The following PTPRO variants were observed in gnomAD, a reference collection of about 807,000 sequenced individuals.
PTPRO encodes protein tyrosine phosphatase receptor type O, also known as receptor-type tyrosine-protein phosphatase O.
Under a neutral mutation model 145.2 loss-of-function variants are expected in PTPRO, and 62 were observed. That is an observed-to-expected ratio of 0.43 (90% CI 0.35 to 0.53). The LOEUF (loss-of-function observed/expected upper bound fraction) is 0.53, where lower values mean the gene tolerates loss of function less well. PTPRO is among the 20% of genes least tolerant of loss of function. The pLI, the probability that PTPRO is intolerant of heterozygous loss-of-function variation, is 0.01. For missense variants in PTPRO, 1,345 were observed against 1,482.7 expected, an observed-to-expected ratio of 0.91 and a Z score of 1.53; for synonymous variants, 565 against 514.7, an observed-to-expected ratio of 1.10 and a Z score of -1.32.
At chr12:15,530,885 A>G (rs1452679454) in intron 12 of PTPRO, among the ~76,000 whole-genome samples, 1 of 152,162 alleles carries the variant, frequency 6.6e-6, no homozygotes, top group Non-Finnish European at 1.5e-5. Flanking sequence ...TCAGAGCAGA[A>G]ATAAATGAAA....
intron 2 of PTPRO, among the ~76,000 whole-genome samples, chr12:15,494,943 T>C (rs939403206): frequency 3.3e-5 from 5 of 152,202 alleles, no homozygotes; most frequent in African/African-American, 1.2e-4. Context: ...AGTCAATAGC[T>C]GGATCTGGTA....
intron 1 of PTPRO, among the ~76,000 whole-genome samples, chr12:15,419,744 T>C (rs548935791): frequency 5.7e-4 from 86 of 151,596 alleles, no homozygotes; most frequent in Non-Finnish European, 1.1e-3. Context: ...TGTTTTTTTT[T>C]TCCCAGAGAA....
intron 19 of PTPRO, among the ~76,000 whole-genome samples, chr12:15,570,818 T>C (rs1419043247): frequency 6.6e-6 from 1 of 152,232 alleles, no homozygotes; most frequent in Non-Finnish European, 1.5e-5. Context: ...AGCCACATTT[T>C]CTTAATTCCT....
intron 4 of PTPRO, among the ~76,000 whole-genome samples, chr12:15,500,691 G>T (rs1380051988): frequency 6.6e-6 from 1 of 152,186 alleles, no homozygotes; most frequent in Non-Finnish European, 1.5e-5. Context: ...GGAGGCCGAG[G>T]CAGGTGGATC....
chr12:15,532,820 G>A (rs1010409869), intron 12 of PTPRO, among the ~76,000 whole-genome samples: 3 of 152,138 alleles, frequency 2.0e-5, no homozygotes, highest in Non-Finnish European at 4.4e-5. Flanking sequence ...CCAGGTAACT[G>A]TAATTACTTG....
At chr12:15,523,385 A>G (rs1942768391) in intron 10 of PTPRO, among the ~76,000 whole-genome samples, 2 of 152,252 alleles carry the variant, frequency 1.3e-5, no homozygotes, top group African/African-American at 4.8e-5. Flanking sequence ...GTTAGCAGTT[A>G]CTTTAAAAAG....
intron 25 of PTPRO, among the ~76,000 whole-genome samples, chr12:15,593,627 G>C (rs1034530590): frequency 1.3e-5 from 2 of 152,118 alleles, no homozygotes; most frequent in Non-Finnish European, 2.9e-5. Context: ...TTTAAGGACA[G>C]ACTAATGTTT....
At chr12:15,380,259 AG>A (rs528873534) in intron 1 of PTPRO, among the ~76,000 whole-genome samples, 70 of 152,264 alleles carry the variant, frequency 4.6e-4, no homozygotes, top group Non-Finnish European at 9.4e-4. Context: ...TCCTTCCATC[AG>A]GGGCCATACA....
At chr12:15,375,909 G>A (rs115621958) in intron 1 of PTPRO, among the ~76,000 whole-genome samples, 1 of 152,012 alleles carries the variant, frequency 6.6e-6, no homozygotes, top group Non-Finnish European at 1.5e-5. Flanking sequence ...AAGAAAGAAA[G>A]GTTAGTGAAC....
chr12:15,448,366 G>T (rs1200921557), intron 1 of PTPRO, among the ~76,000 whole-genome samples: 1 of 15,514 alleles, frequency 6.4e-5, no homozygotes, highest in Non-Finnish European at 5.2e-4. Flanking sequence ...AAAAAGCACC[G>T]ATTGAGAAGG....
At chr12:15,448,544 G>A (rs1259190881) in intron 1 of PTPRO, among the ~76,000 whole-genome samples, 1 of 151,960 alleles carries the variant, frequency 6.6e-6, no homozygotes, top group Non-Finnish European at 1.5e-5. Context: ...ACAAGGTTGT[G>A]GAGAAAAGAG....
At position 15,580,039 on chromosome 12, in the gene PTPRO, A is replaced by T. The variant is rs1159288945; in HGVS notation, c.2921A>T (p.Tyr974Phe). ...ATTTTTTTCTCCTTATTCTCTACAG[A>T]TGACTTCAGCCGTGTGAGATTAGTC... ...CKNRYTNILP[Y>F]DFSRVRLVSM... The change falls in exon 21 of 27, where the codon TAT (tyrosine) becomes TTT (phenylalanine). Residue 974 changes from tyrosine (Y) to phenylalanine (F), a missense_variant and splice_region_variant. Tyr to Phe is a conservative substitution (Grantham distance 22, BLOSUM62 3). Coordinates refer to ENST00000281171, the MANE Select transcript of PTPRO (RefSeq NM_030667.3). The T allele has an allele frequency of 6.2e-7, 1 of 1,612,320 alleles. No homozygotes were observed. The highest frequency in any genetic ancestry group is 2.2e-5 in the East Asian group (1 of 44,838).
chr12:15,515,104 A>G (rs1268662309), intron 7 of PTPRO, among the ~76,000 whole-genome samples: 1 of 152,092 alleles, frequency 6.6e-6, no homozygotes, highest in Non-Finnish European at 1.5e-5. Context: ...TATGCTTCTA[A>G]GTGACAAGAG....
intron 19 of PTPRO, among the ~76,000 whole-genome samples, chr12:15,577,902 G>T (rs956739497): frequency 6.6e-6 from 1 of 152,142 alleles, no homozygotes; most frequent in Non-Finnish European, 1.5e-5. Context: ...TAAGACACAT[G>T]GCATAGCAAC....
intron 2 of PTPRO, among the ~76,000 whole-genome samples, chr12:15,488,216 A>G (rs533011230): frequency 6.6e-6 from 1 of 152,346 alleles, no homozygotes; most frequent in South Asian, 2.1e-4. Context: ...TCCAAAGAGT[A>G]AAATTAATTC....
At chr12:15,415,235 A>C (rs1244226305) in intron 1 of PTPRO, among the ~76,000 whole-genome samples, 1 of 152,268 alleles carries the variant, frequency 6.6e-6, no homozygotes, top group East Asian at 1.9e-4. Flanking sequence ...TCCCCCCCAA[A>C]AAAAGAAGCC....
chr12:15,493,925 CT>C (rs1311302488), intron 2 of PTPRO, among the ~76,000 whole-genome samples: 1 of 152,008 alleles, frequency 6.6e-6, no homozygotes, highest in Admixed American at 6.5e-5. Context: ...AAAACGGACA[CT>C]AAAATAAAAT....
At chr12:15,428,091 T>A (rs1940332636) in intron 1 of PTPRO, among the ~76,000 whole-genome samples, 1 of 152,162 alleles carries the variant, frequency 6.6e-6, no homozygotes, top group Admixed American at 6.6e-5. Context: ...TTCCTTTTCT[T>A]GTTATGCAAG....
chr12:15,473,768 CAAAAAAAA>C, intron 1 of PTPRO, among the ~76,000 whole-genome samples: 1 of 65,576 alleles, frequency 1.5e-5, no homozygotes, highest in South Asian at 7.0e-4. Flanking sequence ...GACTCCATCT[CAAAAAAAA>C]AAAAAAAAAA....
Sources: allele counts gnomAD v4.1 joint callset (sites outside exome capture counted in the v4.1 genomes callset), GRCh38; gene constraint gnomAD v4.1.1; transcripts MANE v1.5; gene names NCBI Gene and HGNC (gene_info 2026-07-23, HGNC 2026-07-21).